CLIP1: variants seen among roughly 807,000 people sequenced by gnomAD.
CLIP1 encodes the protein CAP-Gly domain-containing linker protein 1.
Under a neutral mutation model 161.6 loss-of-function variants are expected in CLIP1, and 66 were observed. The observed-to-expected ratio is 0.41, with a 90% CI of 0.33 to 0.50. The LOEUF (loss-of-function observed/expected upper bound fraction) is 0.50, where lower values mean the gene tolerates loss of function less well. Ranked by LOEUF, CLIP1 falls within the 20% of genes least tolerant of loss-of-function variation. CLIP1 has a pLI of 0.27. For synonymous variants in CLIP1, 598 were observed against 626.2 expected, an observed-to-expected ratio of 0.96 and a Z score of 0.67; for missense variants, 1,376 against 1,702.0, an observed-to-expected ratio of 0.81 and a Z score of 3.37.
intron 1 of CLIP1, among the ~76,000 whole-genome samples, chr12:122,384,772 A>T (rs1261886488): frequency 1.3e-5 from 2 of 151,692 alleles, no homozygotes; most frequent in Non-Finnish European, 2.9e-5. Flanking sequence ...AAAAATAAAA[A>T]AAAAAAATAA....
intron 3 of CLIP1, among the ~76,000 whole-genome samples, chr12:122,373,678 G>A (rs1056355638): frequency 6.6e-6 from 1 of 152,072 alleles, no homozygotes; most frequent in Non-Finnish European, 1.5e-5. Context: ...AAAAATGGGT[G>A]CAATCTAAAT....
At chr12:122,372,555 C>A (rs940084725) in intron 3 of CLIP1, among the ~76,000 whole-genome samples, 7 of 151,376 alleles carry the variant, frequency 4.6e-5, no homozygotes, top group African/African-American at 1.7e-4. Flanking sequence ...CCACTGCACT[C>A]CAGCTGGGCA....
In CLIP1 at chr12:122,414,899, T is replaced by TA. The variant is rs550781921; in HGVS notation, c.-107+7621dup. Among the ~76,000 whole-genome samples, 106 of 151,090 alleles carry TA rather than the reference T, an allele frequency of 7.0e-4. 4 individuals carry two copies. In the South Asian group the frequency reaches 0.018, roughly 26 times the overall value. On this transcript the variant is annotated intron_variant, in intron 1 of 25. Coordinates refer to ENST00000620786, the MANE Select transcript of CLIP1 (RefSeq NM_001247997.2). ...AACACATTATGTATATTAAAAATGC[T>TA]AAAAAAAAATTAGCTGGGCATGGTG...
At chr12:122,306,816 T>A (rs1054171780) in intron 20 of CLIP1, among the ~76,000 whole-genome samples, 1 of 152,010 alleles carries the variant, frequency 6.6e-6, no homozygotes, top group African/African-American at 2.4e-5. Flanking sequence ...TTTAGAGCAA[T>A]GTTTGACCGC....
At position 122,274,081 on chromosome 12, in the gene CLIP1, C is replaced by T. The variant is rs765996522; in HGVS notation, c.4048G>A (p.Ala1350Thr). 1 of 1,613,786 alleles carries T rather than the reference C, an allele frequency of 6.2e-7. No individual in the cohort carries two copies. Among genetic ancestry groups the T allele is most frequent in the Non-Finnish European group, 8.5e-7 (1 of 1,179,766 alleles). ...LKMKVEMMSE[A>T]ALNGNGDDLN... is the part of the protein sequence containing the mutation. ...TCATCCCCGTTCCCATTCAGGGCTG[C>T]TTCTGACATCATCTCCACCTTCATC... Residue 1350 changes from alanine (A) to threonine (T), a missense_variant, in exon 25 of 26, where the codon GCA (alanine) becomes ACA (threonine). Coordinates refer to ENST00000620786, the MANE Select transcript of CLIP1 (RefSeq NM_001247997.2).
At chr12:122,332,399 A>G (rs1952019971) in intron 15 of CLIP1, among the ~76,000 whole-genome samples, 1 of 151,692 alleles carries the variant, frequency 6.6e-6, no homozygotes, top group African/African-American at 2.4e-5. Flanking sequence ...TATTATTGTC[A>G]TTGGTAAACT....
intron 17 of CLIP1, 81 bp downstream of exon 17, chr12:122,327,866 G>A (rs1951766136): frequency 7.5e-7 from 1 of 1,339,704 alleles, no homozygotes; most frequent in Admixed American, 1.8e-5. Flanking sequence ...CCCACTGGCT[G>A]CTGCTTTCTA....
chr12:122,278,373 G>A (rs1566068771), intron 23 of CLIP1, 170 bp from the exon 24 acceptor site: 1 of 659,136 alleles, frequency 1.5e-6, no homozygotes, highest in African/African-American at 1.8e-5. Flanking sequence ...CCCCTTGCGG[G>A]ACCCTACAGG....
At chr12:122,354,369 T>C (rs532044085) in intron 7 of CLIP1, 84 bp downstream of exon 7, 4 of 994,484 alleles carry the variant, frequency 4.0e-6, no homozygotes, top group East Asian at 2.6e-5. Flanking sequence ...CACTGCAGCC[T>C]GGGCAACAGA....
At chr12:122,293,095 G>A (rs1350970104) in intron 20 of CLIP1, among the ~76,000 whole-genome samples, 1 of 150,748 alleles carries the variant, frequency 6.6e-6, no homozygotes, top group Non-Finnish European at 1.5e-5. Flanking sequence ...TAAAGAACTT[G>A]TATCTAGAAT....
chr12:122,283,443 T>C (rs1171771239), intron 21 of CLIP1, among the ~76,000 whole-genome samples: 1 of 151,678 alleles, frequency 6.6e-6, no homozygotes, highest in Non-Finnish European at 1.5e-5. Context: ...AATTCCTTTC[T>C]TTTTCTTTCT....
intron 1 of CLIP1, among the ~76,000 whole-genome samples, chr12:122,398,952 A>AAC (rs1189500650): frequency 6.6e-6 from 1 of 151,166 alleles, no homozygotes; most frequent in Non-Finnish European, 1.5e-5. Context: ...CAAAAAAAAA[A>AAC]AAAAAAAACC....
chr12:122,411,265 A>G (rs1220889846), intron 1 of CLIP1, among the ~76,000 whole-genome samples: 2 of 152,006 alleles, frequency 1.3e-5, no homozygotes, highest in Non-Finnish European at 2.9e-5. Flanking sequence ...AAACTATAAA[A>G]ATTAACTGGG....
chr12:122,369,821 C>G (rs1258650872), intron 3 of CLIP1, among the ~76,000 whole-genome samples: 1 of 151,178 alleles, frequency 6.6e-6, no homozygotes, highest in Non-Finnish European at 1.5e-5. Flanking sequence ...ACATCCCAAG[C>G]AGAAGAAACA....
At position 122,278,160 on chromosome 12, in the gene CLIP1, C is replaced by T. The variant is rs1290363466; in HGVS notation, c.3960G>A (p.Glu1320=). ...TQADEDERAQ[E]SQIDFLNSVI... ...AATAAGGCAGGAACATTACCTGACT[C>T]TCCTGGGCTCTTTCATCCTCGTCTG... Residue 1320 remains glutamate, a synonymous_variant, in exon 24 of 26, where the codon GAG becomes GAA. Transcript: ENST00000620786. 6.2e-7 allele frequency: 1 copy of T among 1,608,268 alleles called. No homozygotes were observed. The highest frequency in any genetic ancestry group is 1.3e-5 in the African/African-American group (1 of 74,586).
chr12:122,347,809 T>C (rs1169788187), intron 9 of CLIP1, among the ~76,000 whole-genome samples: 2 of 152,124 alleles, frequency 1.3e-5, no homozygotes, highest in Non-Finnish European at 1.5e-5. Flanking sequence ...CCAATTAGAA[T>C]AGTTAATATC....
rs762016010 is a variant in CLIP1, at chr12:122,328,297, T to C, written c.2997A>G (p.Glu999=). ...ATTTCCTCTCCAATTCTTTCTTTTC[T>C]TCCTCATGCTTTTTAGCTGCTTCTT... is the stretch of plus-strand genomic sequence containing the variant. ...SQQEAAKKHE[E]EKKELERKLS... is the part of the protein sequence containing the mutation. The change falls in exon 16 of 26, where the codon GAA becomes GAG. Residue 999 remains glutamate, a synonymous_variant. Coordinates refer to ENST00000620786, the MANE Select transcript of CLIP1 (RefSeq NM_001247997.2). 5 of 1,614,166 alleles carry C rather than the reference T, an allele frequency of 3.1e-6. No homozygotes were observed. In the South Asian group the frequency reaches 5.5e-5, roughly 18 times the overall value.
At chr12:122,340,077 T>C (rs962343997) in intron 11 of CLIP1, among the ~76,000 whole-genome samples, 1 of 129,328 alleles carries the variant, frequency 7.7e-6, no homozygotes, top group Non-Finnish European at 1.7e-5. Context: ...TCTTTTAAGC[T>C]TTTTTTTTTT....
Position 122,328,166 on chromosome 12 carries a change from C to T in CLIP1, c.3034-4G>A, listed in dbSNP as rs776770206. 249 of 1,613,614 alleles carry T rather than the reference C, an allele frequency of 1.5e-4. No homozygotes were observed. The highest frequency in any genetic ancestry group is 2.0e-4 in the Non-Finnish European group (233 of 1,179,946). ...GGCTTGTTTCCATTTTCTTTTCCTG[C>T]AGAGACCCCGAATGAGGGAATGAGT... On this transcript the variant is annotated splice_polypyrimidine_tract_variant and splice_region_variant and intron_variant, in intron 16 of 25. Coordinates refer to ENST00000620786, the MANE Select transcript of CLIP1 (RefSeq NM_001247997.2).
Sources: allele counts gnomAD v4.1 joint callset (sites outside exome capture counted in the v4.1 genomes callset), GRCh38; gene constraint gnomAD v4.1.1; transcripts MANE v1.5; gene names NCBI Gene and HGNC (gene_info 2026-07-23, HGNC 2026-07-21).